MRPS28: variants seen among roughly 807,000 people sequenced by gnomAD.
MRPS28 encodes mitochondrial ribosomal protein S28.
In MRPS28, 7 loss-of-function variants were observed where a neutral mutation model predicts 10.8. The ratio of observed to expected loss-of-function variants is 0.65; its 90% CI spans 0.37 to 1.22. The LOEUF is 1.22. MRPS28 is among the 50% of genes most tolerant of loss of function. MRPS28 has a pLI of 0.02. For missense variants in MRPS28, 265 were observed against 232.9 expected (o/e 1.14, Z -0.90); for synonymous variants, 121 against 93.3 (o/e 1.30, Z -1.71).
chr8:79,940,570 ATCTT>A (rs1806740434), intron 2 of MRPS28, among the ~76,000 whole-genome samples: 1 of 152,242 alleles, frequency 6.6e-6, no homozygotes, highest in Non-Finnish European at 1.5e-5. Context: ...ATACAGCAGA[ATCTT>A]TCTTTTTTCA....
At position 80,015,745 on chromosome 8, in the gene MRPS28, G is replaced by A. The variant is rs77920579; in HGVS notation, c.214-12565C>T. ...CAAGGATACTGAAATTATCAGTCCA[G>A]GCATCTAATACAACTATGATTAAGA... On this transcript the variant is annotated intron_variant, in intron 1 of 2. Coordinates refer to ENST00000276585, the MANE Select transcript of MRPS28 (RefSeq NM_014018.3). 4.4e-3 allele frequency among the ~76,000 whole-genome samples: 664 copies of A among 152,280 alleles called. 15 individuals are homozygous for A. In the East Asian group the frequency reaches 0.081, roughly 19 times the overall value.
At position 79,981,213 on chromosome 8, in the gene MRPS28, C is replaced by T. The variant is rs146636160; in HGVS notation, c.395+21786G>A. On this transcript the variant is annotated intron_variant, in intron 2 of 2. Transcript: ENST00000276585. Reference sequence around the variant, plus strand: ...GGCATGGTGGCATGCACCTGTAGTCCCAGCTACTTGCAGGGCTGAGGTGGG... The same window carrying T: ...GGCATGGTGGCATGCACCTGTAGTCTCAGCTACTTGCAGGGCTGAGGTGGG... Among the ~76,000 whole-genome samples, 927 of 152,160 alleles carry T rather than the reference C, an allele frequency of 6.1e-3. 6 individuals are homozygous for T. The highest frequency in any genetic ancestry group is 0.01 in the Middle Eastern group (3 of 294).
At chr8:79,959,471 C>T (rs190236621) in intron 2 of MRPS28, among the ~76,000 whole-genome samples, 1 of 152,104 alleles carries the variant, frequency 6.6e-6, no homozygotes, top group Admixed American at 6.6e-5. Context: ...CTGTTGTATA[C>T]ACATAGTTTT....
At chr8:79,988,905 A>G (rs922700578) in intron 2 of MRPS28, among the ~76,000 whole-genome samples, 4 of 152,208 alleles carry the variant, frequency 2.6e-5, no homozygotes, top group African/African-American at 4.8e-5. Flanking sequence ...TTTACCCTCT[A>G]AAATTGTATA....
At chr8:79,945,101 T>G (rs1032612952) in intron 2 of MRPS28, among the ~76,000 whole-genome samples, 4 of 152,180 alleles carry the variant, frequency 2.6e-5, no homozygotes, top group African/African-American at 9.7e-5. Flanking sequence ...TAGGAACATA[T>G]GACTTTACAT....
rs575253901 is a variant in MRPS28 at position 80,015,957 on chromosome 8, T to A, written c.214-12777A>T. On this transcript the variant is annotated intron_variant, in intron 1 of 2. Coordinates refer to ENST00000276585, the MANE Select transcript of MRPS28 (RefSeq NM_014018.3). ...GCTGAGGAAAAAAAAAAACTGTGAC[T>A]CTGAAGATACCTCAATAAAAACTGC... Among the ~76,000 whole-genome samples the A allele has an allele frequency of 1.2e-4, 18 of 150,334 alleles. 1 individual carries two copies. Among genetic ancestry groups the A allele is most frequent in the African/African-American group, 4.1e-4 (17 of 41,080 alleles).
chr8:79,969,969 AT>A (rs1277230279), intron 2 of MRPS28, among the ~76,000 whole-genome samples: 3 of 152,192 alleles, frequency 2.0e-5, no homozygotes, highest in Non-Finnish European at 2.9e-5. Flanking sequence ...TCAAGTGTTT[AT>A]TGAGCAACTA....
chr8:80,003,082 G>A lies in MRPS28; in HGVS notation c.312C>T (p.Ile104=). Residue 104 remains isoleucine, a synonymous_variant, in exon 2 of 3, where the codon ATC becomes ATT. Transcript: ENST00000276585. The part of the protein sequence containing the change: ...PAKDKLVIGR[I]FHIVENDLYI... Reference sequence around the variant, plus strand: ...ACAGATCATTCTCCACAATATGAAAGATCCGTCCAATGACCAGTTTATCCT... The same window carrying A: ...ACAGATCATTCTCCACAATATGAAAAATCCGTCCAATGACCAGTTTATCCT... The A allele has an allele frequency of 6.2e-7, 1 of 1,613,736 alleles. No individual in the cohort carries two copies. The highest frequency in any genetic ancestry group is 8.5e-7 in the Non-Finnish European group (1 of 1,179,846).
intron 2 of MRPS28, among the ~76,000 whole-genome samples, chr8:79,994,040 T>G (rs1344993296): frequency 6.6e-6 from 1 of 152,192 alleles, no homozygotes; most frequent in East Asian, 1.9e-4. Flanking sequence ...AATCCTGTGT[T>G]TTATGATAGA....
chr8:79,931,593 A>G (rs1806462341), intron 2 of MRPS28, among the ~76,000 whole-genome samples: 1 of 152,228 alleles, frequency 6.6e-6, no homozygotes, highest in African/African-American at 2.4e-5. Context: ...TTCCTACCTC[A>G]TAGGATGGCT....
At chr8:80,006,943 C>A (rs1427387302) in intron 1 of MRPS28, among the ~76,000 whole-genome samples, 1 of 152,182 alleles carries the variant, frequency 6.6e-6, no homozygotes, top group African/African-American at 2.4e-5. Context: ...CATCCTGATA[C>A]CAAAGCCTGG....
At chr8:79,921,080 G>T (rs189938133) in intron 2 of MRPS28, among the ~76,000 whole-genome samples, 2 of 152,130 alleles carry the variant, frequency 1.3e-5, no homozygotes, top group African/African-American at 4.8e-5. Context: ...TGTCAGGTTT[G>T]TCAAAGATCA....
intron 2 of MRPS28, among the ~76,000 whole-genome samples, chr8:79,947,629 G>GTTTTTTTTTTTTTT (rs767221360): frequency 9.2e-6 from 1 of 109,222 alleles, no homozygotes; most frequent in Non-Finnish European, 1.8e-5. Flanking sequence ...AATATATTAA[G>GTTTTTTTTTTTTTT]TTTTTTTTTT....
chr8:79,976,859 T>C (rs777654536), intron 2 of MRPS28, among the ~76,000 whole-genome samples: 8 of 152,248 alleles, frequency 5.3e-5, no homozygotes, highest in Non-Finnish European at 1.0e-4. Flanking sequence ...ACAATCTTAA[T>C]GCTCAATCTG....
chr8:80,009,854 T>A (rs926044853), intron 1 of MRPS28, among the ~76,000 whole-genome samples: 3 of 152,090 alleles, frequency 2.0e-5, no homozygotes, highest in South Asian at 4.1e-4. Flanking sequence ...TGTAAAAAAA[T>A]GCCTTCTAAA....
intron 2 of MRPS28, among the ~76,000 whole-genome samples, chr8:79,937,874 G>A (rs1563520795): frequency 6.6e-6 from 1 of 152,268 alleles, no homozygotes; most frequent in East Asian, 1.9e-4. Flanking sequence ...CTCACTACAT[G>A]GTATTTAAGA....
intron 2 of MRPS28, among the ~76,000 whole-genome samples, chr8:79,966,018 A>G (rs1441469592): frequency 6.6e-6 from 1 of 152,098 alleles, no homozygotes; most frequent in African/African-American, 2.4e-5. Context: ...GAAAGGTAAC[A>G]GACTTCCATA....
intron 2 of MRPS28, among the ~76,000 whole-genome samples, chr8:79,971,369 C>A (rs1807628333): frequency 6.6e-6 from 1 of 152,098 alleles, no homozygotes; most frequent in Non-Finnish European, 1.5e-5. Context: ...TGCTACAATT[C>A]ACTAACTTAA....
intron 2 of MRPS28, among the ~76,000 whole-genome samples, chr8:79,987,959 A>G (rs1230701135): frequency 6.6e-6 from 1 of 152,208 alleles, no homozygotes; most frequent in African/African-American, 2.4e-5. Context: ...GCTGCTATAA[A>G]GACACATGCA....
Sources: gnomAD v4.1 joint callset for allele counts (sites outside exome capture counted in the v4.1 genomes callset) on GRCh38, gnomAD v4.1.1 for gene constraint, MANE v1.5 for transcripts, NCBI Gene and HGNC (gene_info 2026-07-23, HGNC 2026-07-21) for gene names.